The following PSG2 variants were observed in gnomAD, a reference collection of about 807,000 sequenced individuals.
The protein encoded by PSG2 is pregnancy specific beta-1-glycoprotein 2, also known as pregnancy-specific beta-1-glycoprotein 2.
In PSG2, 49 loss-of-function variants were observed where a neutral mutation model predicts 36.2. That is an observed-to-expected ratio of 1.35 (90% CI 1.08 to 1.72). The LOEUF (loss-of-function observed/expected upper bound fraction) is 1.72, where lower values mean the gene tolerates loss of function less well. Ranked by LOEUF, PSG2 falls within the 40% of genes most tolerant of loss-of-function variation. The probability of loss-of-function intolerance (pLI) is 0.00; values close to 1 mark genes in which losing one functional copy is unlikely to be tolerated. For synonymous variants in PSG2, 261 were observed against 155.6 expected, an observed-to-expected ratio of 1.68 and a Z score of -5.04; for missense variants, 605 against 407.2, an observed-to-expected ratio of 1.49 and a Z score of -4.18.
At chr19:43,069,162 G>C (rs1037430213) in intron 4 of PSG2, among the ~76,000 whole-genome samples, 1 of 151,580 alleles carries the variant, frequency 6.6e-6, no homozygotes, top group Non-Finnish European at 1.5e-5. Context: ...CCAAAGAGGT[G>C]AAATGATTAT....
Position 43,071,958 on chromosome 19 carries a change from G to T in PSG2, c.710-4C>A, listed in dbSNP as rs770306164. The T allele has an allele frequency of 6.2e-7, 1 of 1,611,872 alleles. No homozygotes were observed. Among genetic ancestry groups the T allele is most frequent in the Admixed American group, 1.7e-5 (1 of 59,908 alleles). The stretch of plus-strand genomic sequence containing the variant: ...ATTCTGGGGAGGTCTGGACCATCTG[G>T]AGCAAAGAGAATAAAGCCACAGGTG... On this transcript the variant is annotated splice_polypyrimidine_tract_variant and splice_region_variant and intron_variant, in intron 3 of 5. Transcript: ENST00000406487.
In PSG2 at chr19:43,066,587, T is replaced by C. The variant is rs765563922; in HGVS notation, c.978A>G (p.Ile326Met). 3 of 1,601,240 alleles carry C rather than the reference T, an allele frequency of 1.9e-6. No homozygotes were observed. Among genetic ancestry groups the C allele is most frequent in the Admixed American group, 1.7e-5 (1 of 59,918 alleles). Residue 326 changes from isoleucine (I) to methionine (M), a missense_variant, in exon 5 of 6, where the codon ATA (isoleucine) becomes ATG (methionine). Physicochemically the swap from Ile to Met is conservative, Grantham distance 10. Transcript: ENST00000406487. The part of the protein sequence containing the change: ...LTVKVSASTR[I>M]GLLPLLNPT ...TTGGATTAAGGAGAGGAAGAAGTCCTATTCTTGTAGAAGCTGTCATGGAAA... is the reference window on the plus strand; with the variant it reads ...TTGGATTAAGGAGAGGAAGAAGTCCCATTCTTGTAGAAGCTGTCATGGAAA...
chr19:43,066,709 G>A (rs1171586558), intron 4 of PSG2, 109 bp from the exon 5 acceptor site: 1 of 1,388,586 alleles, frequency 7.2e-7, no homozygotes, highest in Non-Finnish European at 1.0e-6. Context: ...TTTCTTCAAG[G>A]ACCACATTAT....
At chr19:43,068,455 C>CAAAAA (rs558588522) in intron 4 of PSG2, among the ~76,000 whole-genome samples, 1 of 81,732 alleles carries the variant, frequency 1.2e-5, no homozygotes, top group Non-Finnish European at 2.9e-5. Context: ...CTCTTTTCAA[C>CAAAAA]AAAAAAAAAA....
intron 2 of PSG2, among the ~76,000 whole-genome samples, chr19:43,077,293 G>C (rs1167543057): frequency 6.6e-6 from 1 of 151,662 alleles, no homozygotes; most frequent in Non-Finnish European, 1.5e-5. Flanking sequence ...CCCGTTAAAA[G>C]GACAGAACTG....
rs761976627 is a variant in PSG2 at position 43,082,529 on chromosome 19, T to G, written c.41A>C (p.Lys14Thr). 3.7e-5 allele frequency: 60 copies of G among 1,612,006 alleles called. No individual in the cohort carries two copies. The highest frequency in any genetic ancestry group is 8.1e-5 in the African/African-American group (6 of 74,352). ...ACCTGTGACCAGGAGCCCCTTCCAT[T>G]TGATGTGCTCTGTGCAGGGAGGGGC... Reference protein sequence around the residue: ...LSAPPCTEHIKWKGLLVTASL... With the variant: ...LSAPPCTEHITWKGLLVTASL... The change falls in exon 1 of 6, where the codon AAA becomes ACA. Residue 14 changes from lysine to threonine, a missense_variant. Transcript: ENST00000406487.
At chr19:43,066,628 A>T in intron 4 of PSG2, 28 bp from the exon 5 acceptor site, 1 of 1,567,360 alleles carries the variant, frequency 6.4e-7, no homozygotes, top group Non-Finnish European at 8.8e-7. Context: ...GTAAAGAAGG[A>T]ATGAAGGTGA....
In PSG2 at chr19:43,066,600, G is replaced by T; in HGVS notation, c.965C>A (p.Ala322Asp). ...SSTSLTVKVS[A>D]STRIGLLPLL... ...AGGAAGAAGTCCTATTCTTGTAGAA[G>T]CTGTCATGGAAAGAAAAGTAAAGAA... The change falls in exon 5 of 6, where the codon GCT becomes GAT. Residue 322 changes from alanine to aspartate, a missense_variant and splice_region_variant. Physicochemically the swap from Ala to Asp is moderately radical, Grantham distance 126 (BLOSUM62 -2). Transcript: ENST00000406487. 6.3e-7 allele frequency: 1 copy of T among 1,597,592 alleles called. No individual in the cohort carries two copies. Among genetic ancestry groups the T allele is most frequent in the Non-Finnish European group, 8.6e-7 (1 of 1,165,722 alleles).
chr19:43,077,002 G>A (rs28391785), intron 2 of PSG2, among the ~76,000 whole-genome samples: 4,403 of 151,428 alleles, frequency 0.029, 365 homozygotes, highest in African/African-American at 0.1. Context: ...TGCTCAATTC[G>A]TAATACTGTA....
intron 2 of PSG2, among the ~76,000 whole-genome samples, chr19:43,076,903 C>T (rs188010905): frequency 6.6e-6 from 1 of 151,394 alleles, no homozygotes; most frequent in Non-Finnish European, 1.5e-5. Context: ...ATCCACAATG[C>T]GCCAGTGAGC....
intron 1 of PSG2, chr19:43,082,208 T>C (rs889444114): frequency 6.5e-5 from 18 of 276,142 alleles, no homozygotes; most frequent in African/African-American, 3.8e-4. Flanking sequence ...TGGCGCTATC[T>C]CGGCACGCTG....
At chr19:43,077,589 T>C (rs1244484492) in intron 2 of PSG2, among the ~76,000 whole-genome samples, 1 of 151,646 alleles carries the variant, frequency 6.6e-6, no homozygotes, top group Non-Finnish European at 1.5e-5. Context: ...GAAAACGGCA[T>C]CATCATGAGG....
intron 1 of PSG2, 152 bp from the exon 2 acceptor site, chr19:43,081,398 CAA>C (rs1311529244): frequency 1.8e-6 from 2 of 1,123,746 alleles, no homozygotes; most frequent in Non-Finnish European, 2.4e-6. Context: ...CACACACACA[CAA>C]AAGGGGCATG....
At position 43,071,903 on chromosome 19, in the gene PSG2, C is replaced by T; in HGVS notation, c.761G>A (p.Gly254Glu). 6.2e-7 allele frequency: 1 copy of T among 1,612,748 alleles called. No homozygotes were observed. The highest frequency in any genetic ancestry group is 1.3e-5 in the African/African-American group (1 of 74,526). Residue 254 changes from glycine to glutamate, a missense_variant, in exon 4 of 6, where the codon GGA (glycine) becomes GAA (glutamate). Transcript: ENST00000406487. ...GAAGCAAGACAAGTAGAGGTTATCT[C>T]CTGAACGGTAATTGGTGTATGAAGG... ...IHPSYTNYRS[G>E]DNLYLSCFAN...
intron 2 of PSG2, among the ~76,000 whole-genome samples, chr19:43,079,987 G>A (rs1310835515): frequency 6.6e-6 from 1 of 151,700 alleles, no homozygotes; most frequent in African/African-American, 2.4e-5. Flanking sequence ...AAGCTAAATG[G>A]CAAATGGACT....
chr19:43,067,574 T>C (rs1967757146), intron 4 of PSG2, among the ~76,000 whole-genome samples: 1 of 151,460 alleles, frequency 6.6e-6, no homozygotes, highest in African/African-American at 2.4e-5. Context: ...TAGACATTAT[T>C]TCCATTTTGG....
At chr19:43,079,828 G>T (rs1026100460) in intron 2 of PSG2, among the ~76,000 whole-genome samples, 1 of 151,592 alleles carries the variant, frequency 6.6e-6, no homozygotes, top group East Asian at 1.9e-4. Flanking sequence ...GGGGTCCTTG[G>T]GACCCAGTAA....
At chr19:43,067,279 C>G (rs1191006832) in intron 4 of PSG2, among the ~76,000 whole-genome samples, 3 of 151,384 alleles carry the variant, frequency 2.0e-5, no homozygotes, top group Non-Finnish European at 4.4e-5. Context: ...CATTCCCTCA[C>G]AGATGTCTTC....
Position 43,080,730 on chromosome 19 carries a change from CTGTG to C in PSG2, c.430+147_430+150del, listed in dbSNP as rs951358233. The C allele has an allele frequency of 2.0e-6, 3 of 1,496,456 alleles. No individual in the cohort carries two copies. In the African/African-American group the frequency reaches 4.2e-5, roughly 21 times the overall value. 92.7% of individuals were successfully genotyped at this position (1,496,456 alleles called of 1,614,324 possible). On this transcript the variant is annotated intron_variant, in intron 2 of 5. Coordinates refer to ENST00000406487, the MANE Select transcript of PSG2 (RefSeq NM_031246.4). Reference sequence around the variant, plus strand: ...TCTGATCTGTTGAAATGTGTCTCCTCTGTGTGTGTCCTGCACTAAATGCCCAAAC... The same window carrying C: ...TCTGATCTGTTGAAATGTGTCTCCTCTGTGTCCTGCACTAAATGCCCAAAC...
Sources: allele counts gnomAD v4.1 joint callset (sites outside exome capture counted in the v4.1 genomes callset), GRCh38; gene constraint gnomAD v4.1.1; transcripts MANE v1.5; gene names NCBI Gene and HGNC (gene_info 2026-07-23, HGNC 2026-07-21).